The following NEMP2 variants were observed in gnomAD, a reference collection of about 807,000 sequenced individuals.
The protein encoded by NEMP2 is UPF0571 transmembrane protein.
In NEMP2, 53 loss-of-function variants were observed where a neutral mutation model predicts 54.2. That is an observed-to-expected ratio of 0.98 (90% CI 0.78 to 1.23). The LOEUF (loss-of-function observed/expected upper bound fraction) is 1.23, where lower values mean the gene tolerates loss of function less well. NEMP2 is among the 50% of genes most tolerant of loss of function. The probability of loss-of-function intolerance (pLI) is 0.00; values close to 1 mark genes in which losing one functional copy is unlikely to be tolerated. For synonymous variants in NEMP2, 197 were observed against 190.3 expected (o/e 1.04, Z -0.29); for missense variants, 455 against 511.3 (o/e 0.89, Z 1.06).
the NEMP2 span, among the ~76,000 whole-genome samples, chr2:190,432,382 G>A: frequency 6.6e-6 from 1 of 152,108 alleles, no homozygotes; most frequent in Non-Finnish European, 1.5e-5. Flanking sequence ...AACTCTGCTT[G>A]GTGCTCTATG....
At chr2:190,474,210 A>T in the NEMP2 span, among the ~76,000 whole-genome samples, 34,250 of 152,022 alleles carry the variant, frequency 0.23, 4,937 homozygotes, top group South Asian at 0.34. Flanking sequence ...AGAAATAACT[A>T]AGATCAGAGC....
chr2:190,611,046 C>A, the NEMP2 span: 9 of 152,262 alleles, frequency 5.9e-5, no homozygotes, highest in South Asian at 1.9e-3. The surrounding 1 kb of genome is among the most constrained non-coding windows in gnomAD (Gnocchi z 5.4). Flanking sequence ...ATAAAATCAC[C>A]TTCTACAGAG....
the NEMP2 span, among the ~76,000 whole-genome samples, chr2:190,540,309 C>T: frequency 1.3e-5 from 2 of 149,502 alleles, no homozygotes; most frequent in African/African-American, 4.9e-5. Context: ...TTTGAGACAG[C>T]ACCTCACTTT....
the NEMP2 span, among the ~76,000 whole-genome samples, chr2:190,422,756 C>T: frequency 6.6e-6 from 1 of 152,192 alleles, no homozygotes; most frequent in Non-Finnish European, 1.5e-5. Flanking sequence ...AGTTTTGAGG[C>T]ATTTTCTTGA....
chr2:190,441,394 G>C, the NEMP2 span, among the ~76,000 whole-genome samples: 1 of 149,556 alleles, frequency 6.7e-6, no homozygotes. Context: ...CAGCTTCCTA[G>C]TTGATTCTAG....
chr2:190,492,865 A>G, the NEMP2 span, among the ~76,000 whole-genome samples: 1 of 152,054 alleles, frequency 6.6e-6, no homozygotes, highest in African/African-American at 2.4e-5. The surrounding 1 kb of genome is among the most constrained non-coding windows in gnomAD (Gnocchi z 5.2). Context: ...GCACTACAAG[A>G]GCTGAAAGGA....
chr2:190,423,128 T>C, the NEMP2 span, among the ~76,000 whole-genome samples: 1 of 152,240 alleles, frequency 6.6e-6, no homozygotes, highest in Non-Finnish European at 1.5e-5. This position sits in a 1 kb window ranked among gnomAD's most constrained non-coding sequence, Gnocchi z 4.3. Context: ...CAATGTCCCA[T>C]GTATCCTGTA....
the NEMP2 span, among the ~76,000 whole-genome samples, chr2:190,445,409 TTC>T: frequency 6.6e-6 from 1 of 151,774 alleles, no homozygotes; most frequent in Admixed American, 6.6e-5. Context: ...CTTAAATATG[TTC>T]TGTCTCCTTT....
At chr2:190,496,988 A>G in the NEMP2 span, among the ~76,000 whole-genome samples, 148 of 152,312 alleles carry the variant, frequency 9.7e-4, no homozygotes, top group African/African-American at 3.3e-3. The surrounding 1 kb of genome is among the most constrained non-coding windows in gnomAD (Gnocchi z 4.7). Flanking sequence ...GGTTGCACCA[A>G]AATCTCACAA....
At chr2:190,517,374 A>G (rs1690598247) in intron 5 of NEMP2, 146 bp downstream of exon 5, 1 of 594,398 alleles carries the variant, frequency 1.7e-6, no homozygotes, top group Non-Finnish European at 2.9e-6. Flanking sequence ...AACTCCAGAA[A>G]AAGATACATT....
chr2:190,512,003 A>G lies in NEMP2; in HGVS notation c.954-1466T>C, dbSNP rs1296655986. Among the ~76,000 whole-genome samples the G allele has an allele frequency of 1.3e-5, 2 of 150,634 alleles. No individual in the cohort carries two copies. The highest frequency in any genetic ancestry group is 4.9e-5 in the African/African-American group (2 of 41,132). Reference sequence around the variant, plus strand: ...TTAAGTATATATATATTTTTTCTTGAGGGTTAGGATTGATAAATCTATTAT... The same window carrying G: ...TTAAGTATATATATATTTTTTCTTGGGGGTTAGGATTGATAAATCTATTAT... On this transcript the variant is annotated intron_variant, in intron 7 of 8. Transcript: ENST00000409150. This position sits in a 1 kb window ranked among gnomAD's most constrained non-coding sequence, Gnocchi z 4.5.
At chr2:190,626,673 A>C in the NEMP2 span, 1 of 152,272 alleles carries the variant, frequency 6.6e-6, no homozygotes, top group African/African-American at 2.4e-5. The surrounding 1 kb of genome is among the most constrained non-coding windows in gnomAD (Gnocchi z 4.5). Flanking sequence ...AACAGTTTAT[A>C]GCACAGGTGG....
chr2:190,526,905 A>G (rs1690959226), intron 1 of NEMP2, among the ~76,000 whole-genome samples: 1 of 152,176 alleles, frequency 6.6e-6, no homozygotes, highest in African/African-American at 2.4e-5. Flanking sequence ...AACTGAGAGA[A>G]AGAGAGATAT....
the NEMP2 span, among the ~76,000 whole-genome samples, chr2:190,577,072 T>C: frequency 6.6e-6 from 1 of 152,158 alleles, no homozygotes; most frequent in African/African-American, 2.4e-5. This position sits in a 1 kb window ranked among gnomAD's most constrained non-coding sequence, Gnocchi z 4.8. Flanking sequence ...TAAGATGCCA[T>C]TGAAAAGCAC....
the NEMP2 span, among the ~76,000 whole-genome samples, chr2:190,448,558 GTT>G: frequency 6.6e-6 from 1 of 152,230 alleles, no homozygotes; most frequent in Non-Finnish European, 1.5e-5. Context: ...AAAAAAGCAG[GTT>G]TCAAAATAAT....
the NEMP2 span, among the ~76,000 whole-genome samples, chr2:190,472,582 G>C: frequency 2.6e-5 from 4 of 152,174 alleles, no homozygotes; most frequent in South Asian, 2.1e-4. Context: ...AAATATGGGA[G>C]TATGTGAAAA....
chr2:190,532,992 AT>A (rs1691204806), intron 1 of NEMP2, among the ~76,000 whole-genome samples: 8 of 152,338 alleles, frequency 5.3e-5, no homozygotes. Context: ...TCCAATAAGT[AT>A]TTATGTGTGT....
the NEMP2 span, among the ~76,000 whole-genome samples, chr2:190,480,504 T>C: frequency 6.6e-6 from 1 of 152,144 alleles, no homozygotes; most frequent in Non-Finnish European, 1.5e-5. Context: ...TTATGAAAGC[T>C]CTTCCTAGGA....
rs1335383635 is a variant in NEMP2 at position 190,522,342 on chromosome 2, A to T, written c.213+2921T>A. On this transcript the variant is annotated intron_variant, in intron 2 of 8. Transcript: ENST00000409150. This position sits in a 1 kb window ranked among gnomAD's most constrained non-coding sequence, Gnocchi z 5.0. The stretch of plus-strand genomic sequence containing the variant: ...GCATTACACAATATATCCATGTGAC[A>T]AACCTGCACATGTACCCCCAAATCT... Among the ~76,000 whole-genome samples, 3 of 152,168 alleles carry T rather than the reference A, an allele frequency of 2.0e-5. No homozygotes were observed. Among genetic ancestry groups the T allele is most frequent in the Non-Finnish European group, 2.9e-5 (2 of 68,042 alleles).
Sources: allele counts gnomAD v4.1 joint callset (sites outside exome capture counted in the v4.1 genomes callset), GRCh38; gene constraint gnomAD v4.1.1; non-coding constraint Gnocchi (gnomAD v3.1); transcripts MANE v1.5; gene names NCBI Gene and HGNC (gene_info 2026-07-23, HGNC 2026-07-21).